The following SPECC1 variants were observed in gnomAD, a reference collection of about 807,000 sequenced individuals.
The protein encoded by SPECC1 is cytospin-B.
A neutral mutation model predicts 104.1 loss-of-function variants in SPECC1; 62 were observed. That is an observed-to-expected ratio of 0.60 (90% confidence interval 0.49 to 0.74). The LOEUF is 0.74. Among genes scored for constraint, SPECC1 ranks in the 30% least tolerant of loss-of-function variants. SPECC1 has a pLI of 0.00. For missense variants in SPECC1, 1,306 were observed against 1,310.5 expected (o/e 1.00, Z 0.05); for synonymous variants, 513 against 501.6 (o/e 1.02, Z -0.30).
chr17:20,101,631 C>T (rs545898854), intron 2 of SPECC1, among the ~76,000 whole-genome samples: 4 of 152,320 alleles, frequency 2.6e-5, no homozygotes, highest in African/African-American at 9.6e-5. Flanking sequence ...AGAGAACCTG[C>T]AGTGTCATTT....
chr17:20,309,761 G>A (rs2041874415), intron 14 of SPECC1, among the ~76,000 whole-genome samples: 1 of 150,190 alleles, frequency 6.7e-6, no homozygotes, highest in Non-Finnish European at 1.5e-5. Context: ...GTATTCCATG[G>A]TATATATGTA....
intron 3 of SPECC1, among the ~76,000 whole-genome samples, chr17:20,146,522 G>A (rs1300760383): frequency 2.0e-5 from 3 of 152,198 alleles, no homozygotes; most frequent in African/African-American, 7.2e-5. Flanking sequence ...TTCATGTGCA[G>A]GTTTTTGTGT....
At chr17:20,270,306 C>A (rs1345213923) in intron 12 of SPECC1, among the ~76,000 whole-genome samples, 8 of 150,548 alleles carry the variant, frequency 5.3e-5, no homozygotes, top group Non-Finnish European at 8.9e-5. Context: ...TTAAAAAAAA[C>A]AGTGTTATGA....
chr17:20,188,137 GC>G (rs2035402681), intron 3 of SPECC1, among the ~76,000 whole-genome samples: 1 of 152,148 alleles, frequency 6.6e-6, no homozygotes, highest in African/African-American at 2.4e-5. Context: ...TTAGTAGATG[GC>G]AACAGAAGTT....
intron 7 of SPECC1, among the ~76,000 whole-genome samples, chr17:20,240,335 A>G (rs186635193): frequency 1.3e-5 from 2 of 151,902 alleles, no homozygotes. Flanking sequence ...TCATCAGCTT[A>G]TAAGTCAGTA....
intron 1 of SPECC1, among the ~76,000 whole-genome samples, chr17:20,039,872 A>G (rs2045253774): frequency 1.3e-5 from 2 of 152,150 alleles, no homozygotes; most frequent in African/African-American, 4.8e-5. Context: ...CAGGTTTCTT[A>G]TAGCTATGTT....
At chr17:20,106,885 GGTGGCCCACGCCT>G (rs1245567817) in intron 2 of SPECC1, among the ~76,000 whole-genome samples, 1 of 152,002 alleles carries the variant, frequency 6.6e-6, no homozygotes, top group Non-Finnish European at 1.5e-5. Flanking sequence ...GGCCAGGCGT[GGTGGCCCACGCCT>G]GTAATCCTAG....
chr17:20,224,554 G>C (rs1222370897), intron 4 of SPECC1, among the ~76,000 whole-genome samples: 1 of 152,034 alleles, frequency 6.6e-6, no homozygotes, highest in Non-Finnish European at 1.5e-5. Context: ...TGGTATCCAA[G>C]TTGGAAGACA....
At chr17:20,121,534 G>A (rs1037792256) in intron 3 of SPECC1, among the ~76,000 whole-genome samples, 3 of 151,972 alleles carry the variant, frequency 2.0e-5, no homozygotes, top group Non-Finnish European at 4.4e-5. Flanking sequence ...CCGGGGTCTC[G>A]CCATGTTGCC....
chr17:20,102,553 GT>G (rs2047993836), intron 2 of SPECC1, among the ~76,000 whole-genome samples: 1 of 152,206 alleles, frequency 6.6e-6, no homozygotes, highest in Non-Finnish European at 1.5e-5. Flanking sequence ...TCAGCTGAGT[GT>G]GGCTGGCTCA....
chr17:20,044,432 T>C (rs1372280672), intron 1 of SPECC1, among the ~76,000 whole-genome samples: 3 of 152,190 alleles, frequency 2.0e-5, no homozygotes, highest in Non-Finnish European at 4.4e-5. Context: ...TTTCTTCTTT[T>C]GCTGACTCTG....
intron 5 of SPECC1, among the ~76,000 whole-genome samples, chr17:20,229,689 A>G (rs1429270726): frequency 3.9e-5 from 6 of 152,142 alleles, no homozygotes; most frequent in Non-Finnish European, 7.4e-5. Context: ...AAATAAAAAA[A>G]CCAAACCAAA....
chr17:20,239,148 A>G, intron 7 of SPECC1: 1 of 1,027,564 alleles, frequency 9.7e-7, no homozygotes, highest in Non-Finnish European at 1.2e-6. Context: ...AGGGTCTCAG[A>G]AAATATAGCA....
In SPECC1 at chr17:20,127,437, C is replaced by CTTTTTTTT. The variant is rs369424296; in HGVS notation, c.283+16891_283+16898dup. ...GGAGAATGTGTGGTTATCAGGTCAT[C>CTTTTTTTT]TTTTTTTTTTTTTTTTTTTTTTTGA... is the stretch of plus-strand genomic sequence containing the variant. On this transcript the variant is annotated intron_variant, in intron 3 of 14. Transcript: ENST00000395527. Among the ~76,000 whole-genome samples, 3 of 104,488 alleles carry CTTTTTTTT rather than the reference C, an allele frequency of 2.9e-5. No homozygotes were observed. The South Asian group carries it at 1.0e-3, about 35-fold the overall frequency. 68.5% of individuals were successfully genotyped at this position (104,488 alleles called of 152,430 possible). A position where few individuals can be genotyped will look rare whatever the true frequency, so the allele number is the denominator to read the frequency against.
intron 1 of SPECC1, among the ~76,000 whole-genome samples, chr17:20,076,470 G>A (rs2046763832): frequency 6.6e-6 from 1 of 152,154 alleles, no homozygotes; most frequent in African/African-American, 2.4e-5. Context: ...AAAGTGCTGG[G>A]ATTACAGGGA....
intron 1 of SPECC1, among the ~76,000 whole-genome samples, chr17:20,067,555 T>G (rs1269285465): frequency 6.6e-6 from 1 of 152,158 alleles, no homozygotes; most frequent in Non-Finnish European, 1.5e-5. Context: ...AAATATATTG[T>G]CGTCATTGTT....
intron 3 of SPECC1, among the ~76,000 whole-genome samples, chr17:20,125,353 C>T (rs904669939): frequency 6.6e-6 from 1 of 152,218 alleles, no homozygotes; most frequent in Non-Finnish European, 1.5e-5. Context: ...GTCACACCAT[C>T]ATAAGTTCGG....
Position 20,245,971 on chromosome 17 carries a change from T to A in SPECC1, c.2397T>A (p.Gly799=), listed in dbSNP as rs764628043. Residue 799 remains glycine (G), a synonymous_variant, in exon 8 of 15, where the codon GGT becomes GGA. Transcript: ENST00000395527. ...AGTCCTCTGAGGTCGATGCTGCTGGTCGGTGGCCTGGTGTCTGTGTTAGCA... is the reference window on the plus strand; with the variant it reads ...AGTCCTCTGAGGTCGATGCTGCTGGACGGTGGCCTGGTGTCTGTGTTAGCA... ...EPESSEVDAA[G]RWPGVCVSRT... is the part of the protein sequence containing the mutation. The A allele has an allele frequency of 1.9e-6, 3 of 1,614,072 alleles. No homozygotes were observed. Among genetic ancestry groups the A allele is most frequent in the African/African-American group, 2.7e-5 (2 of 74,938 alleles).
intron 7 of SPECC1, among the ~76,000 whole-genome samples, chr17:20,236,649 G>A (rs941563431): frequency 6.1e-5 from 8 of 130,436 alleles, no homozygotes; most frequent in African/African-American, 2.4e-4. Flanking sequence ...GGCATTTGCA[G>A]TCTGGCTTTT....
Sources: allele counts gnomAD v4.1 joint callset (sites outside exome capture counted in the v4.1 genomes callset), GRCh38; gene constraint gnomAD v4.1.1; transcripts MANE v1.5; gene names NCBI Gene and HGNC (gene_info 2026-07-23, HGNC 2026-07-21).